The following ETNK1 variants were observed in gnomAD, a reference collection of about 807,000 sequenced individuals.
ETNK1 encodes putative protein product of Nbla10396.
A neutral mutation model predicts 45.1 loss-of-function variants in ETNK1; 8 were observed. That is an observed-to-expected ratio of 0.18 (90% confidence interval 0.10 to 0.32). The LOEUF (loss-of-function observed/expected upper bound fraction) is 0.32, where lower values mean the gene tolerates loss of function less well. Among genes scored for constraint, ETNK1 ranks in the 10% least tolerant of loss-of-function variants. The probability of loss-of-function intolerance (pLI) is 1.00; values close to 1 mark genes in which losing one functional copy is unlikely to be tolerated. For synonymous variants in ETNK1, 152 were observed against 151.9 expected (o/e 1.00, Z -0.01); for missense variants, 302 against 430.6 (o/e 0.70, Z 2.64).
intron 1 of ETNK1, among the ~76,000 whole-genome samples, chr12:22,631,913 G>T (rs1201324787): frequency 6.6e-6 from 1 of 152,020 alleles, no homozygotes; most frequent in Non-Finnish European, 1.5e-5. Flanking sequence ...TTTAAAAATT[G>T]TGAAAAACAG....
At position 22,679,733 on chromosome 12, in the gene ETNK1, C is replaced by T. The variant is rs145924866; in HGVS notation, c.946-4750C>T. Among the ~76,000 whole-genome samples the T allele has an allele frequency of 1.8e-3, 267 of 145,824 alleles. 2 individuals are homozygous for T. The highest frequency in any genetic ancestry group is 6.7e-3 in the African/African-American group (256 of 38,432). On this transcript the variant is annotated intron_variant, in intron 6 of 7. Transcript: ENST00000266517. Reference sequence around the variant, plus strand: ...TTTTTTTTTTTGATATGGAGTCTCACTCTATCGCCCAGCCTTGAGTGCAGT... The same window carrying T: ...TTTTTTTTTTTGATATGGAGTCTCATTCTATCGCCCAGCCTTGAGTGCAGT...
chr12:22,688,589 A>G lies in ETNK1; in HGVS notation c.*3635A>G, dbSNP rs574304538. ...TAAATTGTTTTTAATAAGCATTCCAAAGTGATACAGACTTAAGCTTTTAAT... is the reference window on the plus strand; with the variant it reads ...TAAATTGTTTTTAATAAGCATTCCAGAGTGATACAGACTTAAGCTTTTAAT... On this transcript the variant is annotated 3_prime_UTR_variant, in exon 8 of 8. Transcript: ENST00000266517. 1 of 152,468 alleles carries G rather than the reference A, an allele frequency of 6.6e-6. No homozygotes were observed. The highest frequency in any genetic ancestry group is 2.1e-4 in the South Asian group (1 of 4,830). The allele number at this position is 152,468 out of a possible 1,614,324, so 9.4% of individuals were successfully genotyped here. A position where few individuals can be genotyped will look rare whatever the true frequency, so the allele number is the denominator to read the frequency against.
chr12:22,653,881 AT>A (rs984821798), intron 2 of ETNK1, among the ~76,000 whole-genome samples: 1 of 152,210 alleles, frequency 6.6e-6, no homozygotes, highest in African/African-American at 2.4e-5. Flanking sequence ...TTTTAAGTAT[AT>A]AGGTGGCTGC....
At chr12:22,658,200 A>G (rs1953963422) in intron 2 of ETNK1, among the ~76,000 whole-genome samples, 2 of 152,188 alleles carry the variant, frequency 1.3e-5, no homozygotes, top group African/African-American at 4.8e-5. Flanking sequence ...AGAAGTTCAC[A>G]TGGGAGAAGC....
Position 22,643,744 on chromosome 12 carries a change from T to A in ETNK1, c.157-19T>A, listed in dbSNP as rs542113532. 5.7e-5 allele frequency: 89 copies of A among 1,568,784 alleles called. 1 individual carries two copies. The African/African-American group carries it at 5.7e-4, about 10-fold the overall frequency. On this transcript the variant is annotated intron_variant, in intron 1 of 7. Coordinates refer to ENST00000266517, the MANE Select transcript of ETNK1 (RefSeq NM_018638.5). ...AGATAATTGCTTTTTTTCCCATTTT[T>A]AAAAAAAATTTTTGGCAGCTCTTCA...
Position 22,671,328 on chromosome 12 carries a change from A to G in ETNK1, c.757A>G (p.Ile253Val). 6.2e-7 allele frequency: 1 copy of G among 1,606,956 alleles called. No individual in the cohort carries two copies. The highest frequency in any genetic ancestry group is 8.5e-7 in the Non-Finnish European group (1 of 1,173,964). ...YSGYNYLAYD[I>V]GNHFNEFAGV... Reference sequence around the variant, plus strand: ...TGGATACAACTACCTGGCATATGATATTGGAAATCATTTCAATGAATTTGC... The same window carrying G: ...TGGATACAACTACCTGGCATATGATGTTGGAAATCATTTCAATGAATTTGC... The change falls in exon 5 of 8, where the codon ATT (isoleucine) becomes GTT (valine). Residue 253 changes from isoleucine (I) to valine (V), a missense_variant. This residue lies in a region of ETNK1 where 94 missense variants were observed against 152.9 expected (regional missense o/e 0.61). Transcript: ENST00000266517.
chr12:22,642,888 C>T (rs1424955058), intron 1 of ETNK1, among the ~76,000 whole-genome samples: 1 of 151,962 alleles, frequency 6.6e-6, no homozygotes, highest in Non-Finnish European at 1.5e-5. Flanking sequence ...ATGAAAATTA[C>T]AATTTTTAAT....
At chr12:22,663,559 A>T (rs1056011859) in intron 4 of ETNK1, among the ~76,000 whole-genome samples, 2 of 152,142 alleles carry the variant, frequency 1.3e-5, no homozygotes, top group Non-Finnish European at 2.9e-5. Flanking sequence ...TTAAGTGGTC[A>T]CTTATCTCTA....
intron 1 of ETNK1, among the ~76,000 whole-genome samples, chr12:22,642,006 C>T (rs1419823780): frequency 1.3e-5 from 2 of 152,020 alleles, no homozygotes; most frequent in Non-Finnish European, 1.5e-5. Flanking sequence ...ATAGCATGGT[C>T]AATTTAGGGA....
chr12:22,639,337 A>G (rs1953699499), intron 1 of ETNK1, among the ~76,000 whole-genome samples: 1 of 151,876 alleles, frequency 6.6e-6, no homozygotes, highest in South Asian at 2.1e-4. Flanking sequence ...ATGAGCCACC[A>G]TGGCCAGCCA....
chr12:22,655,248 G>T (rs545322238), intron 2 of ETNK1, among the ~76,000 whole-genome samples: 1 of 151,804 alleles, frequency 6.6e-6, no homozygotes, highest in East Asian at 1.9e-4. Context: ...GATTACAGGC[G>T]TGAGCCACTG....
At chr12:22,654,453 A>T (rs1188956083) in intron 2 of ETNK1, among the ~76,000 whole-genome samples, 1 of 152,232 alleles carries the variant, frequency 6.6e-6, no homozygotes, top group Admixed American at 6.5e-5. Flanking sequence ...AATTATTAGT[A>T]CATGAGATTA....
In ETNK1 at chr12:22,625,526, G is replaced by A. The variant is rs780931224; in HGVS notation, c.96G>A (p.Gly32=). The stretch of plus-strand genomic sequence containing the variant: ...AGGAGGAGCATCGCTGCCGGGAGGG[G>A]GCCCTGAGCCTCCTGCAACACCTGC... The part of the protein sequence containing the change: ...QDQEEHRCRE[G]ALSLLQHLRP... The change falls in exon 1 of 8, where the codon GGG becomes GGA. Residue 32 remains glycine (G), a synonymous_variant. Transcript: ENST00000266517. The A allele has an allele frequency of 6.8e-6, 11 of 1,606,092 alleles. No individual in the cohort carries two copies. The highest frequency in any genetic ancestry group is 2.2e-5 in the East Asian group (1 of 44,692).
In ETNK1 at chr12:22,685,194, G is replaced by T; in HGVS notation, c.*240G>T. On this transcript the variant is annotated 3_prime_UTR_variant, in exon 8 of 8. Transcript: ENST00000266517. Reference sequence around the variant, plus strand: ...GTGTTAAATCTGCAAAAGGTATAAAGATGTCAGTTTAATTTCTTTGATAAT... The same window carrying T: ...GTGTTAAATCTGCAAAAGGTATAAATATGTCAGTTTAATTTCTTTGATAAT... 2.9e-6 allele frequency: 1 copy of T among 348,434 alleles called. No individual in the cohort carries two copies. The highest frequency in any genetic ancestry group is 8.1e-5 in the South Asian group (1 of 12,340). 21.6% of individuals were successfully genotyped at this position (348,434 alleles called of 1,614,324 possible).
intron 2 of ETNK1, among the ~76,000 whole-genome samples, chr12:22,655,328 GTTTTTTTTT>G (rs10586779): frequency 1.6e-5 from 2 of 122,790 alleles, no homozygotes; most frequent in African/African-American, 3.0e-5. Flanking sequence ...GGGTTTGTTT[GTTTTTTTTT>G]TTTTTTTTTT....
At chr12:22,652,219 C>G (rs1953887096) in intron 2 of ETNK1, among the ~76,000 whole-genome samples, 1 of 152,000 alleles carries the variant, frequency 6.6e-6, no homozygotes, top group African/African-American at 2.4e-5. Context: ...TAATAATATT[C>G]CTTTGTATTT....
chr12:22,630,600 GTATTT>G (rs570903990), intron 1 of ETNK1, among the ~76,000 whole-genome samples: 1 of 152,052 alleles, frequency 6.6e-6, no homozygotes, highest in South Asian at 2.1e-4. Flanking sequence ...TTTTCTTTTT[GTATTT>G]TATTTTATTT....
intron 1 of ETNK1, among the ~76,000 whole-genome samples, chr12:22,634,993 C>G (rs111692965): frequency 1.3e-5 from 2 of 152,128 alleles, no homozygotes; most frequent in African/African-American, 2.4e-5. Context: ...TAATTTTTTG[C>G]CTTTTAAATT....
chr12:22,637,363 G>A (rs1029676456), intron 1 of ETNK1, among the ~76,000 whole-genome samples: 1 of 152,140 alleles, frequency 6.6e-6, no homozygotes, highest in African/African-American at 2.4e-5. Context: ...GTAAAATCCT[G>A]TCCCCATTAC....
Sources: gnomAD v4.1 joint callset for allele counts (sites outside exome capture counted in the v4.1 genomes callset) on GRCh38, gnomAD v4.1.1 for gene constraint, gnomAD v4.1.1 regional missense constraint, MANE v1.5 for transcripts, NCBI Gene and HGNC (gene_info 2026-07-23, HGNC 2026-07-21) for gene names.